DYNC2LI1: variants seen among roughly 807,000 people sequenced by gnomAD.
DYNC2LI1 encodes the protein dynein cytoplasmic 2 light intermediate chain 1.
A neutral mutation model predicts 51.9 loss-of-function variants in DYNC2LI1; 45 were observed. The ratio of observed to expected loss-of-function variants is 0.87; its 90% CI spans 0.68 to 1.11. The LOEUF is 1.11. Among genes scored for constraint, DYNC2LI1 ranks in the 50% most tolerant of loss-of-function variants. The probability of loss-of-function intolerance (pLI) is 0.00; values close to 1 mark genes in which losing one functional copy is unlikely to be tolerated. For missense variants in DYNC2LI1, 490 were observed against 417.4 expected (o/e 1.17, Z -1.51); for synonymous variants, 130 against 137.8 (o/e 0.94, Z 0.40).
At chr2:43,777,230 A>G (rs755375974) in intron 2 of DYNC2LI1, among the ~76,000 whole-genome samples, 1 of 152,132 alleles carries the variant, frequency 6.6e-6, no homozygotes, top group African/African-American at 2.4e-5. Flanking sequence ...TATATTTTAG[A>G]TTGTTACTTT....
downstream of DYNC2LI1, chr2:43,814,380 T>G: frequency 3.7e-6 from 3 of 801,310 alleles, no homozygotes; most frequent in South Asian, 4.6e-5. Context: ...ATTGAATTAT[T>G]ATAAAACACA....
At chr2:43,824,784 C>T in the DYNC2LI1 span, 1 of 1,552,134 alleles carries the variant, frequency 6.4e-7, no homozygotes, top group Non-Finnish European at 8.8e-7. Flanking sequence ...AACACAAAAA[C>T]AAAAGCAAAA....
chr2:43,813,332 T>C, downstream of DYNC2LI1: 2 of 1,536,850 alleles, frequency 1.3e-6, no homozygotes, highest in Non-Finnish European at 1.8e-6. Context: ...AGATTGACAG[T>C]GTCAGGTGTG....
chr2:43,825,260 G>C, the DYNC2LI1 span, among the ~76,000 whole-genome samples: 1 of 152,180 alleles, frequency 6.6e-6, no homozygotes, highest in South Asian at 2.1e-4. Flanking sequence ...TGTGGGTCAT[G>C]CTGCCTCCCA....
downstream of DYNC2LI1, among the ~76,000 whole-genome samples, chr2:43,814,140 C>T (rs114098567): frequency 0.022 from 3,288 of 152,152 alleles, 82 homozygotes; most frequent in African/African-American, 0.062. Flanking sequence ...TTTTGGGGAA[C>T]AAGAAGCCAC....
At chr2:43,803,762 C>G (rs1219562491) in intron 10 of DYNC2LI1, among the ~76,000 whole-genome samples, 1 of 152,126 alleles carries the variant, frequency 6.6e-6, no homozygotes, top group Non-Finnish European at 1.5e-5. Flanking sequence ...GCTTTCGCAC[C>G]AAAGTGGTAA....
At chr2:43,789,599 A>G in intron 4 of DYNC2LI1, 34 bp from the exon 5 acceptor site, 3 of 1,582,180 alleles carry the variant, frequency 1.9e-6, no homozygotes, top group Non-Finnish European at 2.6e-6. Context: ...AGAAGTACTT[A>G]AACTTCAAAA....
At chr2:43,801,568 A>G in intron 9 of DYNC2LI1, 71 bp from the exon 10 acceptor site, 1 of 1,121,386 alleles carries the variant, frequency 8.9e-7, no homozygotes, top group South Asian at 1.4e-5. Flanking sequence ...TATTGCTGTC[A>G]TATTTACAGG....
the DYNC2LI1 span, chr2:43,824,336 A>T: frequency 6.2e-7 from 1 of 1,614,146 alleles, no homozygotes; most frequent in East Asian, 2.2e-5. Context: ...TTTATGACAA[A>T]TTGCTGATTT....
intron 3 of DYNC2LI1, among the ~76,000 whole-genome samples, chr2:43,784,536 T>C (rs1673432548): frequency 6.6e-6 from 1 of 151,766 alleles, no homozygotes; most frequent in Non-Finnish European, 1.5e-5. Context: ...GCCTCCTGGG[T>C]TCAAGCGATT....
At position 43,796,616 on chromosome 2, in the gene DYNC2LI1, T is replaced by C. The variant is rs1674047223; in HGVS notation, c.577-102T>C. 2.1e-5 allele frequency: 18 copies of C among 844,100 alleles called. No individual in the cohort carries two copies. In the South Asian group the frequency reaches 2.9e-4, roughly 13 times the overall value. 52.3% of individuals were successfully genotyped at this position (844,100 alleles called of 1,614,324 possible). ...ATGGAATCCTATTCCTGAAAGTGAG[T>C]TTAAAAAAATAAGAAATAATCTATT... On this transcript the variant is annotated intron_variant, in intron 7 of 12. Coordinates refer to ENST00000260605, the MANE Select transcript of DYNC2LI1 (RefSeq NM_016008.4).
rs1274899610 is a variant in DYNC2LI1 at position 43,805,207 on chromosome 2, T to C, written c.954T>C (p.Ala318=). The C allele has an allele frequency of 6.2e-7, 1 of 1,611,898 alleles. No individual in the cohort carries two copies. The highest frequency in any genetic ancestry group is 1.7e-5 in the Admixed American group (1 of 59,962). Residue 318 remains alanine (A), a synonymous_variant, in exon 12 of 13, where the codon GCT becomes GCC. Transcript: ENST00000260605. ...ACCCTGCGAGAGATCCTCAGTATGC[T>C]GAAAATGAAGTCGATGAGATGAGAA... ...IKDPARDPQY[A]ENEVDEMRIQ... is the part of the protein sequence containing the mutation.
At chr2:43,826,657 A>G in the DYNC2LI1 span, 1 of 1,366,944 alleles carries the variant, frequency 7.3e-7, no homozygotes, top group South Asian at 1.2e-5. Context: ...AAACATGTAA[A>G]CTGGCTTTCA....
At chr2:43,824,235 G>A in the DYNC2LI1 span, 1 of 1,614,224 alleles carries the variant, frequency 6.2e-7, no homozygotes. Context: ...AGAACACCCA[G>A]TTTAGAGAAA....
chr2:43,805,787 C>G (rs1232702492), intron 12 of DYNC2LI1, among the ~76,000 whole-genome samples: 1 of 152,130 alleles, frequency 6.6e-6, no homozygotes, highest in Non-Finnish European at 1.5e-5. Flanking sequence ...CCATGTATCA[C>G]TAGATAGCCC....
At chr2:43,828,297 C>T in the DYNC2LI1 span, 16 of 811,496 alleles carry the variant, frequency 2.0e-5, no homozygotes, top group African/African-American at 1.5e-4. Context: ...CGGCTTAAAT[C>T]GTAATACATG....
chr2:43,813,207 A>T (rs1558713667), downstream of DYNC2LI1: 7 of 1,608,714 alleles, frequency 4.4e-6, no homozygotes, highest in Non-Finnish European at 6.0e-6. Context: ...CAGAAAGTTC[A>T]TTGTGAATCT....
rs892729971 is a variant in DYNC2LI1, at chr2:43,787,171, T to C, written c.162-10T>C. 1.2e-6 allele frequency: 2 copies of C among 1,607,630 alleles called. No individual in the cohort carries two copies. Among genetic ancestry groups the C allele is most frequent in the Non-Finnish European group, 1.7e-6 (2 of 1,174,930 alleles). ...CTACAATGATAATACTATCGGCCTT[T>C]ATTATACAGAGATGAACCACCAAAA... On this transcript the variant is annotated splice_polypyrimidine_tract_variant and intron_variant, in intron 3 of 12. Transcript: ENST00000260605.
intron 12 of DYNC2LI1, among the ~76,000 whole-genome samples, chr2:43,806,162 A>T (rs991638228): frequency 2.0e-5 from 3 of 152,194 alleles, no homozygotes; most frequent in African/African-American, 7.2e-5. Context: ...GATTACAGGC[A>T]TGAGCCAGTG....
Sources: gnomAD v4.1 joint callset for allele counts (sites outside exome capture counted in the v4.1 genomes callset) on GRCh38, gnomAD v4.1.1 for gene constraint, MANE v1.5 for transcripts, NCBI Gene and HGNC (gene_info 2026-07-23, HGNC 2026-07-21) for gene names.